ZNF723: variants seen among roughly 807,000 people sequenced by gnomAD.
ZNF723 encodes zinc finger protein 723, also known as zinc finger protein 723, pseudogene.
In ZNF723, 5 loss-of-function variants were observed where a neutral mutation model predicts 9.4. The ratio of observed to expected loss-of-function variants is 0.53; its 90% confidence interval spans 0.28 to 1.12. The LOEUF (loss-of-function observed/expected upper bound fraction) is 1.12, where lower values mean the gene tolerates loss of function less well. Among genes scored for constraint, ZNF723 ranks in the 50% most tolerant of loss-of-function variants. The pLI is 0.10. For synonymous variants in ZNF723, 158 were observed against 168.8 expected (o/e 0.94, Z 0.49); for missense variants, 450 against 501.5 (o/e 0.90, Z 0.98).
At chr19:22,849,560 G>A (rs1967364258) in intron 3 of ZNF723, among the ~76,000 whole-genome samples, 2 of 152,146 alleles carry the variant, frequency 1.3e-5, no homozygotes, top group Admixed American at 1.3e-4. Context: ...ATAAGAGACT[G>A]CACAATCTAC....
intron 2 of ZNF723, 49 bp downstream of exon 2, chr19:22,848,436 T>A (rs1599478013): frequency 1.4e-5 from 18 of 1,249,690 alleles, no homozygotes; most frequent in African/African-American, 3.1e-5. Context: ...AATGTTTCTT[T>A]TTTTGGTGTT....
At position 22,858,066 on chromosome 19, in the gene ZNF723, C is replaced by T. The variant is rs930171130; in HGVS notation, c.1175C>T (p.Thr392Ile). Reference protein sequence around the residue: ...VHLTTHKRIHTGEKPYKCEEC... With the variant: ...VHLTTHKRIHIGEKPYKCEEC... The stretch of plus-strand genomic sequence containing the variant: ...CTTACTACACATAAGAGAATTCATA[C>T]TGGAGAGAAACCCTACAAATGTGAA... Residue 392 changes from threonine (T) to isoleucine (I), a missense_variant, in exon 4 of 4, where the codon ACT becomes ATT. Physicochemically the swap from Thr to Ile is moderately conservative, Grantham distance 89 (BLOSUM62 -1). Around this residue, in one of 5 missense-constraint regions of ZNF723, gnomAD observed 237 missense variants for 332.2 expected, o/e 0.71. Coordinates refer to ENST00000600766, the MANE Select transcript of ZNF723 (RefSeq NM_001349726.2). 8.6e-6 allele frequency: 13 copies of T among 1,516,832 alleles called. No homozygotes were observed. The highest frequency in any genetic ancestry group is 1.1e-5 in the South Asian group (1 of 89,084). 94.0% of individuals were successfully genotyped at this position (1,516,832 alleles called of 1,614,324 possible). A position where few individuals can be genotyped will look rare whatever the true frequency, so the allele number is the denominator to read the frequency against.
the ZNF723 span, among the ~76,000 whole-genome samples, chr19:22,824,121 T>C: frequency 6.6e-6 from 1 of 152,196 alleles, no homozygotes; most frequent in Admixed American, 6.5e-5. Flanking sequence ...CTCACTTCTT[T>C]TGCTAAGCCC....
the ZNF723 span, among the ~76,000 whole-genome samples, chr19:22,814,063 C>T: frequency 6.6e-6 from 1 of 152,086 alleles, no homozygotes; most frequent in Non-Finnish European, 1.5e-5. Context: ...CCGCCCACCT[C>T]GGCCTCCCAA....
At chr19:22,832,521 G>T in intron 1 of ZNF723, 139 bp downstream of exon 1, 1 of 992,328 alleles carries the variant, frequency 1.0e-6, no homozygotes, top group South Asian at 1.4e-5. Context: ...CCCGGCCTCA[G>T]ACACCTTCAG....
chr19:22,826,262 C>T, the ZNF723 span, among the ~76,000 whole-genome samples: 1 of 152,196 alleles, frequency 6.6e-6, no homozygotes, highest in Non-Finnish European at 1.5e-5. Flanking sequence ...ATGTGATGCT[C>T]TAGCCTGGTC....
chr19:22,838,418 G>C (rs1967196084), intron 1 of ZNF723, among the ~76,000 whole-genome samples: 1 of 152,050 alleles, frequency 6.6e-6, no homozygotes, highest in African/African-American at 2.4e-5. Flanking sequence ...CGGGCGTGGT[G>C]GCACACGCCT....
chr19:22,845,139 C>T (rs1258494901), intron 1 of ZNF723, among the ~76,000 whole-genome samples: 5 of 151,924 alleles, frequency 3.3e-5, no homozygotes, highest in East Asian at 1.9e-4. Flanking sequence ...CAAAAACACT[C>T]ATGTACCCTT....
chr19:22,855,229 T>C (rs1211761939), intron 3 of ZNF723, among the ~76,000 whole-genome samples: 1 of 148,122 alleles, frequency 6.8e-6, no homozygotes, highest in African/African-American at 2.6e-5. Context: ...TTATGTGTTT[T>C]CTTTTTTTTT....
At chr19:22,835,337 T>C (rs905095624) in intron 1 of ZNF723, among the ~76,000 whole-genome samples, 2 of 150,840 alleles carry the variant, frequency 1.3e-5, no homozygotes, top group African/African-American at 4.9e-5. Context: ...CCACCACGCC[T>C]GTAATCCCTG....
chr19:22,836,689 T>A (rs1967172365), intron 1 of ZNF723, among the ~76,000 whole-genome samples: 1 of 152,210 alleles, frequency 6.6e-6, no homozygotes, highest in Non-Finnish European at 1.5e-5. Flanking sequence ...GAAGTTTGAT[T>A]AACAAGTATT....
At chr19:22,833,946 T>C (rs1454849060) in intron 1 of ZNF723, among the ~76,000 whole-genome samples, 2 of 143,706 alleles carry the variant, frequency 1.4e-5, no homozygotes, top group African/African-American at 5.5e-5. Context: ...TTTTTTTTTT[T>C]TTCCGAGTCT....
chr19:22,829,588 A>G (rs1967072289), upstream of ZNF723, among the ~76,000 whole-genome samples: 1 of 152,154 alleles, frequency 6.6e-6, no homozygotes, highest in South Asian at 2.1e-4. Context: ...CCCGGCCAAT[A>G]AGTACATTTT....
At chr19:22,833,177 G>C (rs57283751) in intron 1 of ZNF723, among the ~76,000 whole-genome samples, 24,008 of 151,704 alleles carry the variant, frequency 0.16, 1,883 homozygotes, top group East Asian at 0.18. Flanking sequence ...TTTTGAGACG[G>C]AATTTCACTC....
Position 22,848,251 on chromosome 19 carries a change from T to G in ZNF723, c.4-10T>G. 1 of 1,042,062 alleles carries G rather than the reference T, an allele frequency of 9.6e-7. No individual in the cohort carries two copies. Among genetic ancestry groups the G allele is most frequent in the Non-Finnish European group, 1.4e-6 (1 of 696,682 alleles). The allele number at this position is 1,042,062 out of a possible 1,614,324, so 64.6% of individuals were successfully genotyped here. A position where few individuals can be genotyped will look rare whatever the true frequency, so the allele number is the denominator to read the frequency against. ...ATATGTGTGTATGTGTGTGTGTGTT[T>G]TTTTTTCAGGGACCATTGACATTCA... On this transcript the variant is annotated splice_polypyrimidine_tract_variant and intron_variant, in intron 1 of 3. Transcript: ENST00000600766.
chr19:22,848,497 C>G (rs1967345937), intron 2 of ZNF723, 110 bp downstream of exon 2: 1 of 852,086 alleles, frequency 1.2e-6, no homozygotes. Context: ...TTTCACATCA[C>G]TGTTTTGAAG....
chr19:22,854,802 C>T (rs1252844920), intron 3 of ZNF723, among the ~76,000 whole-genome samples: 2 of 152,092 alleles, frequency 1.3e-5, no homozygotes, highest in East Asian at 1.9e-4. Context: ...AATCCCATCA[C>T]TTTGGGAGGC....
intron 2 of ZNF723, among the ~76,000 whole-genome samples, 176 bp from the exon 3 acceptor site, chr19:22,849,022 T>C (rs373687225): frequency 6.6e-6 from 1 of 152,198 alleles, no homozygotes; most frequent in East Asian, 1.9e-4. Context: ...CCCAAAGTGC[T>C]GGGATTACAG....
chr19:22,837,905 C>G (rs775866554), intron 1 of ZNF723, among the ~76,000 whole-genome samples: 4 of 152,166 alleles, frequency 2.6e-5, no homozygotes, highest in Non-Finnish European at 5.9e-5. Context: ...CTTTTCTCCA[C>G]CAACTTGGGG....
Sources: allele counts gnomAD v4.1 joint callset (sites outside exome capture counted in the v4.1 genomes callset), GRCh38; gene constraint gnomAD v4.1.1; regional missense constraint gnomAD v4.1.1; transcripts MANE v1.5; gene names NCBI Gene and HGNC (gene_info 2026-07-23, HGNC 2026-07-21).